Variants in ZFPM2 observed in about 807,000 individuals in gnomAD.
ZFPM2 encodes the protein zinc finger protein ZFPM2.
Under a neutral mutation model 98.6 loss-of-function variants are expected in ZFPM2, and 20 were observed. The observed-to-expected ratio is 0.20, with a 90% confidence interval of 0.14 to 0.29. The LOEUF (loss-of-function observed/expected upper bound fraction) is 0.29. Ranked by LOEUF, ZFPM2 falls within the 10% of genes least tolerant of loss-of-function variation. ZFPM2 has a pLI of 1.00. For missense variants in ZFPM2, 1,310 were observed against 1,388.6 expected (o/e 0.94, Z 0.90); for synonymous variants, 518 against 502.7 (o/e 1.03, Z -0.41).
chr8:105,779,101 A>G (rs1308858480), intron 5 of ZFPM2, among the ~76,000 whole-genome samples: 1 of 152,150 alleles, frequency 6.6e-6, no homozygotes, highest in Non-Finnish European at 1.5e-5. Flanking sequence ...ATAACTTGTT[A>G]TTTTAAACCA....
chr8:105,413,622 C>A (rs923031372), intron 1 of ZFPM2, among the ~76,000 whole-genome samples: 8 of 150,740 alleles, frequency 5.3e-5, no homozygotes, highest in Non-Finnish European at 1.2e-4. Flanking sequence ...TCTTTCTTTG[C>A]CTGTCCATTC....
intron 5 of ZFPM2, among the ~76,000 whole-genome samples, chr8:105,700,374 T>C (rs1811114225): frequency 6.6e-6 from 1 of 152,244 alleles, no homozygotes; most frequent in African/African-American, 2.4e-5. Flanking sequence ...GAAATACGTA[T>C]GTACAAGTCT....
intron 3 of ZFPM2, among the ~76,000 whole-genome samples, chr8:105,539,368 A>C (rs1814527225): frequency 6.6e-6 from 1 of 152,196 alleles, no homozygotes; most frequent in African/African-American, 2.4e-5. Context: ...GAAATTGCTG[A>C]GTATAGACAT....
intron 5 of ZFPM2, among the ~76,000 whole-genome samples, chr8:105,775,677 T>C (rs1813089693): frequency 1.3e-5 from 2 of 152,134 alleles, no homozygotes. Flanking sequence ...TTGGGGTGTA[T>C]GTCACCTCTT....
At chr8:105,586,005 GTGT>G (rs1563731183) in intron 4 of ZFPM2, among the ~76,000 whole-genome samples, 6 of 49,394 alleles carry the variant, frequency 1.2e-4, no homozygotes, top group Admixed American at 7.4e-4. Flanking sequence ...GGGAAGGGGT[GTGT>G]GTGTGTGTGT....
chr8:105,517,710 CA>C (rs991490445), intron 3 of ZFPM2, among the ~76,000 whole-genome samples: 3,344 of 95,098 alleles, frequency 0.035, 100 homozygotes, highest in African/African-American at 0.091. Flanking sequence ...ACACACACCA[CA>C]CACACACACA....
At chr8:105,608,748 G>A (rs1816247442) in intron 4 of ZFPM2, among the ~76,000 whole-genome samples, 1 of 151,912 alleles carries the variant, frequency 6.6e-6, no homozygotes, top group South Asian at 2.1e-4. Context: ...ATCCTTAAAG[G>A]AACGCAAGGA....
intron 5 of ZFPM2, among the ~76,000 whole-genome samples, chr8:105,654,622 T>C (rs1166493590): frequency 6.6e-6 from 1 of 152,138 alleles, no homozygotes; most frequent in Non-Finnish European, 1.5e-5. Flanking sequence ...TAGCAACTGT[T>C]ACTGCTGGAA....
chr8:105,532,464 T>C (rs1814317475), intron 3 of ZFPM2, among the ~76,000 whole-genome samples: 1 of 152,178 alleles, frequency 6.6e-6, no homozygotes, highest in African/African-American at 2.4e-5. Context: ...TGCTATTAAT[T>C]TTTGAGTGGT....
chr8:105,626,813 A>G (rs1327298466), intron 4 of ZFPM2, among the ~76,000 whole-genome samples: 1 of 152,152 alleles, frequency 6.6e-6, no homozygotes, highest in Non-Finnish European at 1.5e-5. Flanking sequence ...CACACACCAA[A>G]AGCATTTTCA....
chr8:105,663,575 A>G (rs1236097914), intron 5 of ZFPM2, among the ~76,000 whole-genome samples: 4 of 152,148 alleles, frequency 2.6e-5, no homozygotes, highest in Non-Finnish European at 4.4e-5. Context: ...TAAAATGGCT[A>G]CTATTATGAT....
intron 4 of ZFPM2, among the ~76,000 whole-genome samples, chr8:105,571,107 T>C (rs1291497558): frequency 6.6e-6 from 1 of 152,190 alleles, no homozygotes. Flanking sequence ...TCACATAACC[T>C]TTTCCCACAG....
At chr8:105,786,021 G>A (rs1339486009) in intron 5 of ZFPM2, among the ~76,000 whole-genome samples, 4 of 124,820 alleles carry the variant, frequency 3.2e-5, no homozygotes, top group East Asian at 2.3e-4. Flanking sequence ...CAGCCTGGGC[G>A]ACAGAGGGAG....
intron 1 of ZFPM2, among the ~76,000 whole-genome samples, chr8:105,384,800 C>T (rs755679831): frequency 2.4e-4 from 37 of 152,214 alleles, no homozygotes; most frequent in Non-Finnish European, 4.1e-4. Flanking sequence ...GGAACTTAGA[C>T]GAAACCCTGA....
At chr8:105,732,507 A>G (rs1226942863) in intron 5 of ZFPM2, among the ~76,000 whole-genome samples, 3 of 151,808 alleles carry the variant, frequency 2.0e-5, no homozygotes, top group Admixed American at 1.3e-4. Flanking sequence ...GAACATTCAA[A>G]TTCATTATTA....
At chr8:105,761,424 C>G (rs1034302348) in intron 5 of ZFPM2, among the ~76,000 whole-genome samples, 8 of 151,962 alleles carry the variant, frequency 5.3e-5, no homozygotes, top group Non-Finnish European at 1.0e-4. Flanking sequence ...CTAATCTAAC[C>G]AGGCAATGCT....
At chr8:105,751,437 G>A (rs973321872) in intron 5 of ZFPM2, among the ~76,000 whole-genome samples, 3 of 151,992 alleles carry the variant, frequency 2.0e-5, no homozygotes, top group African/African-American at 7.2e-5. Flanking sequence ...CATCCTTCCT[G>A]GGAAAACTAA....
chr8:105,647,520 C>T (rs1438932958), intron 5 of ZFPM2, among the ~76,000 whole-genome samples: 1 of 146,318 alleles, frequency 6.8e-6, no homozygotes, highest in Non-Finnish European at 1.5e-5. Flanking sequence ...AATGCTATCC[C>T]TCCCGCCCCC....
intron 1 of ZFPM2, among the ~76,000 whole-genome samples, chr8:105,359,367 C>CTTTTTTTTTTTTTTTT (rs111675257): frequency 3.0e-5 from 4 of 135,356 alleles, no homozygotes; most frequent in Non-Finnish European, 4.7e-5. Flanking sequence ...CTTTTTCTTT[C>CTTTTTTTTTTTTTTTT]TTTTTTTTTT....
Sources: allele counts gnomAD v4.1 joint callset (sites outside exome capture counted in the v4.1 genomes callset), GRCh38; gene constraint gnomAD v4.1.1; transcripts MANE v1.5; gene names NCBI Gene and HGNC (gene_info 2026-07-23, HGNC 2026-07-21).